The following DNAH12 variants were observed in gnomAD, a reference collection of about 807,000 sequenced individuals.
The protein encoded by DNAH12 is dynein axonemal heavy chain 12, also known as axonemal beta dynein heavy chain 12.
Under a neutral mutation model 371.5 loss-of-function variants are expected in DNAH12, and 285 were observed. The ratio of observed to expected loss-of-function variants is 0.77; its 90% CI spans 0.70 to 0.85. The LOEUF (loss-of-function observed/expected upper bound fraction) is 0.85. Among genes scored for constraint, DNAH12 ranks in the 40% least tolerant of loss-of-function variants. The pLI, the probability that DNAH12 is intolerant of heterozygous loss-of-function variation, is 0.00. For synonymous variants in DNAH12, 1,200 were observed against 1,213.0 expected, an observed-to-expected ratio of 0.99 and a Z score of 0.22; for missense variants, 3,611 against 3,689.4, an observed-to-expected ratio of 0.98 and a Z score of 0.55.
intron 2 of DNAH12, among the ~76,000 whole-genome samples, chr3:57,541,437 C>G (rs1255604505): frequency 6.6e-6 from 1 of 152,070 alleles, no homozygotes; most frequent in Non-Finnish European, 1.5e-5. Context: ...TCACATCTTG[C>G]ACACTACAGC....
intron 39 of DNAH12, among the ~76,000 whole-genome samples, chr3:57,412,866 A>T (rs2064249431): frequency 6.6e-6 from 1 of 152,152 alleles, no homozygotes. Flanking sequence ...GTTATTTTGG[A>T]AGGTAGTTTG....
chr3:57,448,578 G>A (rs939194325), intron 25 of DNAH12, among the ~76,000 whole-genome samples: 3 of 152,206 alleles, frequency 2.0e-5, no homozygotes, highest in Non-Finnish European at 4.4e-5. Flanking sequence ...AAAAGCAAAA[G>A]AACAAAGCTT....
intron 64 of DNAH12, 128 bp downstream of exon 64, chr3:57,322,879 G>A (rs533525458): frequency 2.2e-4 from 291 of 1,340,258 alleles, no homozygotes; most frequent in African/African-American, 4.0e-4. Context: ...GCGGTGAGCC[G>A]AAATTGCGCC....
rs568514720 is a variant in DNAH12 at position 57,433,512 on chromosome 3, G to A, written c.4840-5C>T. 1.2e-3 allele frequency: 1,842 copies of A among 1,542,844 alleles called. 5 individuals are homozygous for A. The highest frequency in any genetic ancestry group is 1.3e-3 in the Non-Finnish European group (1,539 of 1,144,886). On this transcript the variant is annotated splice_region_variant and splice_polypyrimidine_tract_variant and intron_variant, in intron 31 of 73. Coordinates refer to ENST00000495027, the MANE Select transcript of DNAH12 (RefSeq NM_001366028.2). ...AGCCACAATACCATCAGTCCACTGA[G>A]GAGGAAAAAAAAGAATTAAAAAGCT...
intron 71 of DNAH12, 52 bp from the exon 72 acceptor site, chr3:57,296,487 C>T (rs2061236137): frequency 7.4e-7 from 1 of 1,351,970 alleles, no homozygotes. Flanking sequence ...AACTTCATCT[C>T]ATAAAGAACA....
chr3:57,294,984 C>CT (rs1193577915), intron 73 of DNAH12, among the ~76,000 whole-genome samples: 9 of 152,086 alleles, frequency 5.9e-5, no homozygotes, highest in East Asian at 3.9e-4. Context: ...AAGAATGAGA[C>CT]TTTTTTTTCC....
intron 35 of DNAH12, 49 bp from the exon 36 acceptor site, chr3:57,421,755 T>C: frequency 6.5e-7 from 1 of 1,545,506 alleles, no homozygotes; most frequent in Non-Finnish European, 8.8e-7. Context: ...TTAAAAGGCA[T>C]TTTAGGAGAA....
rs1383019278 is a variant in DNAH12, at chr3:57,334,538, A to T, written c.9905T>A (p.Phe3302Tyr). 4.5e-6 allele frequency: 7 copies of T among 1,550,980 alleles called. No homozygotes were observed. Among genetic ancestry groups the T allele is most frequent in the Non-Finnish European group, 6.1e-6 (7 of 1,146,892 alleles). ...YDSKEPHNAK[F>Y]PAPMDKNLNE... is the part of the protein sequence containing the mutation. ...TAGGTTCTTATCCATTGGTGCTGGA[A>T]ATTTAGCATTATGTGGCTCTTTACT... is the stretch of plus-strand genomic sequence containing the variant. The change falls in exon 62 of 74, where the codon TTT (phenylalanine) becomes TAT (tyrosine). Residue 3302 changes from phenylalanine to tyrosine, a missense_variant. Physicochemically the swap from Phe to Tyr is conservative, Grantham distance 22. Around this residue, in one of 3 missense-constraint regions of DNAH12, gnomAD observed 2,266 missense variants for 2,236.9 expected, o/e 1.01. Transcript: ENST00000495027.
intron 62 of DNAH12, among the ~76,000 whole-genome samples, chr3:57,327,175 C>T (rs2061970057): frequency 6.6e-6 from 1 of 152,048 alleles, no homozygotes. Context: ...AACAAGGATA[C>T]CCAGGAGTTG....
intron 27 of DNAH12, 75 bp from the exon 28 acceptor site, chr3:57,445,494 G>T: frequency 2.4e-6 from 3 of 1,227,134 alleles, no homozygotes; most frequent in Non-Finnish European, 3.1e-6. Flanking sequence ...AGTATTCAAA[G>T]GTGTGGTGTT....
chr3:57,410,057 G>T (rs2064154171), intron 39 of DNAH12, among the ~76,000 whole-genome samples: 1 of 152,152 alleles, frequency 6.6e-6, no homozygotes, highest in Admixed American at 6.5e-5. Flanking sequence ...TTGGGGGAAT[G>T]GTACTTTGAA....
At chr3:57,505,563 C>T (rs1359777502) in intron 8 of DNAH12, among the ~76,000 whole-genome samples, 3 of 151,972 alleles carry the variant, frequency 2.0e-5, no homozygotes, top group African/African-American at 4.8e-5. Context: ...GCCTCAGCCC[C>T]CTGAGTAGCT....
intron 12 of DNAH12, among the ~76,000 whole-genome samples, chr3:57,484,464 C>G (rs535435432): frequency 6.6e-6 from 1 of 151,868 alleles, no homozygotes; most frequent in Admixed American, 6.6e-5. Context: ...GAAAGGACAC[C>G]CTATTCAATA....
At chr3:57,415,666 A>T in intron 37 of DNAH12, 102 bp from the exon 38 acceptor site, 2 of 1,167,622 alleles carry the variant, frequency 1.7e-6, no homozygotes, top group Non-Finnish European at 2.3e-6. Flanking sequence ...GAATCAAATC[A>T]TCTTCATTAA....
chr3:57,316,410 T>C (rs1450104285), intron 65 of DNAH12, among the ~76,000 whole-genome samples: 2 of 152,188 alleles, frequency 1.3e-5, no homozygotes, highest in Admixed American at 6.5e-5. Flanking sequence ...TCATAATAGT[T>C]GTGCATATTA....
chr3:57,376,176 T>C (rs930322060), intron 53 of DNAH12, among the ~76,000 whole-genome samples: 20 of 152,084 alleles, frequency 1.3e-4, no homozygotes, highest in African/African-American at 3.9e-4. Context: ...CCTTTCATTA[T>C]TAGAATATTA....
chr3:57,428,322 A>T, intron 34 of DNAH12: 1 of 1,079,824 alleles, frequency 9.3e-7, no homozygotes, highest in Non-Finnish European at 1.2e-6. Context: ...TAAATATTGA[A>T]TAACTCATAA....
chr3:57,354,673 T>C (rs924241331), intron 59 of DNAH12, among the ~76,000 whole-genome samples: 5 of 152,260 alleles, frequency 3.3e-5, no homozygotes, highest in South Asian at 2.1e-4. Flanking sequence ...TGAATGTTTA[T>C]AGCAGTTTTA....
intron 23 of DNAH12, 25 bp from the exon 24 acceptor site, chr3:57,453,428 C>T: frequency 6.7e-7 from 1 of 1,486,054 alleles, no homozygotes; most frequent in Non-Finnish European, 9.0e-7. Flanking sequence ...AAAAAGCAAT[C>T]TAATTGATGT....
Sources: gnomAD v4.1 joint callset for allele counts (sites outside exome capture counted in the v4.1 genomes callset) on GRCh38, gnomAD v4.1.1 for gene constraint, gnomAD v4.1.1 regional missense constraint, MANE v1.5 for transcripts, NCBI Gene and HGNC (gene_info 2026-07-23, HGNC 2026-07-21) for gene names.